The following PDE8A variants were observed in gnomAD, a reference collection of about 807,000 sequenced individuals.
PDE8A encodes phosphodiesterase 8A, also known as high affinity cAMP-specific and IBMX-insensitive 3',5'-cyclic phosphodiesterase 8A.
A neutral mutation model predicts 105.0 loss-of-function variants in PDE8A; 59 were observed. The ratio of observed to expected loss-of-function variants is 0.56; its 90% CI spans 0.46 to 0.70. The LOEUF (loss-of-function observed/expected upper bound fraction) is 0.70. Among genes scored for constraint, PDE8A ranks in the 30% least tolerant of loss-of-function variants. PDE8A has a pLI of 0.00. For synonymous variants in PDE8A, 355 were observed against 371.9 expected, an observed-to-expected ratio of 0.95 and a Z score of 0.52; for missense variants, 1,014 against 1,045.9, an observed-to-expected ratio of 0.97 and a Z score of 0.42.
intron 20 of PDE8A, 35 bp from the exon 21 acceptor site, chr15:85,136,499 G>A: frequency 6.3e-7 from 1 of 1,598,014 alleles, no homozygotes; most frequent in Non-Finnish European, 8.5e-7. Context: ...GGAACCAGAT[G>A]TTGGGGTCTC....
intron 8 of PDE8A, among the ~76,000 whole-genome samples, chr15:85,097,160 T>G (rs997595874): frequency 2.6e-5 from 4 of 152,150 alleles, no homozygotes; most frequent in African/African-American, 9.7e-5. Flanking sequence ...TTCCATAGTT[T>G]AAGGGCCTTG....
In PDE8A at chr15:85,056,369, G is replaced by A. The variant is rs567224412; in HGVS notation, c.187-8001G>A. On this transcript the variant is annotated intron_variant, in intron 1 of 21. Transcript: ENST00000394553. ...GAATGTTGGCCTGCCTTGGTAGGTTGGAGAAGTTTTCCTGGATAATATCCT... is the reference window on the plus strand; with the variant it reads ...GAATGTTGGCCTGCCTTGGTAGGTTAGAGAAGTTTTCCTGGATAATATCCT... 1.7e-4 allele frequency among the ~76,000 whole-genome samples: 26 copies of A among 152,282 alleles called. No individual in the cohort carries two copies. In the South Asian group the frequency reaches 5.4e-3, roughly 32 times the overall value.
At chr15:85,096,154 C>T (rs1787684030) in intron 8 of PDE8A, among the ~76,000 whole-genome samples, 1 of 152,116 alleles carries the variant, frequency 6.6e-6, no homozygotes, top group Non-Finnish European at 1.5e-5. Flanking sequence ...GGATCACAGG[C>T]GTGAGCCACT....
chr15:84,980,635 C>G (rs1443606524), upstream of PDE8A: 1 of 152,348 alleles, frequency 6.6e-6, no homozygotes, highest in African/African-American at 2.4e-5. Context: ...TGATGGACGC[C>G]CAGAGACACC....
chr15:85,030,139 C>G (rs867345912), intron 1 of PDE8A, among the ~76,000 whole-genome samples: 2 of 152,122 alleles, frequency 1.3e-5, no homozygotes, highest in Non-Finnish European at 2.9e-5. Context: ...TTCCATAGGT[C>G]AGCTCTAGCT....
At chr15:85,044,284 G>C (rs999903210) in intron 1 of PDE8A, among the ~76,000 whole-genome samples, 9 of 152,106 alleles carry the variant, frequency 5.9e-5, no homozygotes, top group African/African-American at 2.2e-4. Flanking sequence ...CAATCAGTCA[G>C]GGTAACATAC....
intron 17 of PDE8A, chr15:85,120,590 C>G: frequency 2.0e-6 from 1 of 506,010 alleles, no homozygotes; most frequent in Admixed American, 3.7e-5. Context: ...TTTGGTAAGT[C>G]CTTAACTTGT....
chr15:85,098,381 A>G (rs1224049033), intron 9 of PDE8A, among the ~76,000 whole-genome samples: 1 of 152,168 alleles, frequency 6.6e-6, no homozygotes, highest in Admixed American at 6.5e-5. Context: ...CTAATTTGAT[A>G]GGCTATGTAT....
chr15:85,027,108 C>G (rs1363233188), intron 1 of PDE8A, among the ~76,000 whole-genome samples: 4 of 152,100 alleles, frequency 2.6e-5, no homozygotes, highest in Admixed American at 1.3e-4. Context: ...AACAAAAAGT[C>G]CTTTGGGACC....
intron 1 of PDE8A, among the ~76,000 whole-genome samples, chr15:85,036,042 C>T (rs2080701200): frequency 6.6e-6 from 1 of 152,164 alleles, no homozygotes; most frequent in Non-Finnish European, 1.5e-5. Context: ...TAGTGGGGCA[C>T]ATATTTAGAA....
intron 1 of PDE8A, among the ~76,000 whole-genome samples, chr15:85,035,911 A>G (rs1465863454): frequency 1.3e-5 from 2 of 152,226 alleles, no homozygotes; most frequent in African/African-American, 4.8e-5. Flanking sequence ...GTGCATATGT[A>G]ACAGACAATA....
At chr15:84,987,908 G>C (rs1040421784) in intron 1 of PDE8A, among the ~76,000 whole-genome samples, 6 of 152,154 alleles carry the variant, frequency 3.9e-5, no homozygotes, top group Non-Finnish European at 8.8e-5. Flanking sequence ...TAAGTACTTA[G>C]GACATGAGTA....
chr15:85,121,231 C>T (rs1265163141), intron 18 of PDE8A, among the ~76,000 whole-genome samples: 1 of 151,480 alleles, frequency 6.6e-6, no homozygotes, highest in Non-Finnish European at 1.5e-5. Flanking sequence ...GCCTGGGCAA[C>T]GTAGGGAGAC....
At chr15:85,003,795 A>T (rs995144792) in intron 1 of PDE8A, among the ~76,000 whole-genome samples, 2 of 152,154 alleles carry the variant, frequency 1.3e-5, no homozygotes, top group Non-Finnish European at 2.9e-5. Flanking sequence ...ATTACCCTGC[A>T]TTGCTCATCA....
chr15:85,125,198 G>A (rs867420770), intron 19 of PDE8A, among the ~76,000 whole-genome samples: 16 of 152,242 alleles, frequency 1.1e-4, no homozygotes, highest in Non-Finnish European at 1.2e-4. Flanking sequence ...GATGCCACCC[G>A]TCCATCTTGA....
intron 16 of PDE8A, 123 bp downstream of exon 16, chr15:85,116,242 G>A: frequency 1.1e-6 from 1 of 952,354 alleles, no homozygotes; most frequent in South Asian, 1.7e-5. Flanking sequence ...CCCTAAGGAA[G>A]GAGTAACAGG....
At chr15:84,992,345 T>C (rs780935542) in intron 1 of PDE8A, among the ~76,000 whole-genome samples, 1 of 151,878 alleles carries the variant, frequency 6.6e-6, no homozygotes, top group Non-Finnish European at 1.5e-5. Flanking sequence ...AAGTGGAAAA[T>C]ATATCTCTGG....
At chr15:85,079,046 A>T (rs2036152853) in intron 5 of PDE8A, among the ~76,000 whole-genome samples, 1 of 152,162 alleles carries the variant, frequency 6.6e-6, no homozygotes, top group South Asian at 2.1e-4. Flanking sequence ...AGTGAGCTAT[A>T]AACCCTGCCA....
intron 1 of PDE8A, among the ~76,000 whole-genome samples, chr15:84,982,810 C>T (rs888616022): frequency 1.3e-5 from 2 of 152,258 alleles, no homozygotes; most frequent in Non-Finnish European, 2.9e-5. Context: ...CCTCTGTCAG[C>T]TTTGCACATG....
Sources: allele counts gnomAD v4.1 joint callset (sites outside exome capture counted in the v4.1 genomes callset), GRCh38; gene constraint gnomAD v4.1.1; transcripts MANE v1.5; gene names NCBI Gene and HGNC (gene_info 2026-07-23, HGNC 2026-07-21).